The following DMXL1 variants were observed in gnomAD, a reference collection of about 807,000 sequenced individuals.
The protein encoded by DMXL1 is dmX-like protein 1.
DMXL1 carries 99 observed loss-of-function variants against 319.2 expected under a neutral mutation model. The observed-to-expected ratio is 0.31, with a 90% confidence interval of 0.26 to 0.37. The LOEUF is 0.37. Ranked by LOEUF, DMXL1 falls within the 10% of genes least tolerant of loss-of-function variation. The probability of loss-of-function intolerance (pLI) is 1.00; values close to 1 mark genes in which losing one functional copy is unlikely to be tolerated. For synonymous variants in DMXL1, 1,385 were observed against 1,235.2 expected, an observed-to-expected ratio of 1.12 and a Z score of -2.54; for missense variants, 3,745 against 3,595.6, an observed-to-expected ratio of 1.04 and a Z score of -1.06.
At chr5:119,243,439 A>G (rs541406666) in intron 42 of DMXL1, among the ~76,000 whole-genome samples, 11 of 152,168 alleles carry the variant, frequency 7.2e-5, no homozygotes, top group African/African-American at 2.7e-4. Context: ...ATTGAAACCC[A>G]GGCAATCTAA....
rs1212567297 is a variant in DMXL1, at chr5:119,134,080, C to T, written c.2156C>T (p.Ser719Phe). ...RVDPVGPLSF[S>F]GGVSELARIN... The stretch of plus-strand genomic sequence containing the variant: ...GACCCAGTTGGGCCATTGTCTTTTT[C>T]TGGAGGAGTTTCTGAGCTTGCCCGG... Residue 719 changes from serine (S) to phenylalanine (F), a missense_variant, in exon 12 of 44, where the codon TCT becomes TTT. Ser to Phe is a radical substitution (Grantham distance 155, BLOSUM62 -2). Around this residue, in one of 4 missense-constraint regions of DMXL1, gnomAD observed 2,096 missense variants for 1,985.4 expected, o/e 1.06. Coordinates refer to ENST00000539542, the MANE Select transcript of DMXL1 (RefSeq NM_001290321.3). 2.5e-6 allele frequency: 4 copies of T among 1,614,154 alleles called. No homozygotes were observed. The highest frequency in any genetic ancestry group is 3.4e-6 in the Non-Finnish European group (4 of 1,180,032).
intron 15 of DMXL1, 133 bp from the exon 16 acceptor site, chr5:119,146,704 C>T: frequency 2.8e-6 from 2 of 720,614 alleles, no homozygotes; most frequent in Non-Finnish European, 4.3e-6. Context: ...TTTATAATAC[C>T]ACTTGTGTTT....
chr5:119,118,072 T>C (rs531306172), intron 7 of DMXL1, among the ~76,000 whole-genome samples: 55 of 152,342 alleles, frequency 3.6e-4, no homozygotes, highest in African/African-American at 1.2e-3. Flanking sequence ...CTCTTGTTGC[T>C]TGTTGGACTT....
chr5:119,100,196 C>CGAGGCAGGTGGATCATGAGGTCAG (rs1756925879), intron 2 of DMXL1, among the ~76,000 whole-genome samples: 1 of 151,540 alleles, frequency 6.6e-6, no homozygotes, highest in African/African-American at 2.4e-5. Flanking sequence ...TTTGGGAAGC[C>CGAGGCAGGTGGATCATGAGGTCAG]GAGGCAGGTG....
rs184320670 is a variant in DMXL1 at position 119,159,093 on chromosome 5, A to G, written c.4703-5414A>G. Among the ~76,000 whole-genome samples, 14 of 151,828 alleles carry G rather than the reference A, an allele frequency of 9.2e-5. No individual in the cohort carries two copies. In the East Asian group the frequency reaches 2.7e-3, roughly 29 times the overall value. ...TTTAGTAGAATTCACCGGTGATGCG[A>G]TCAGATTCTAGGCTTTTGTTTTGAT... On this transcript the variant is annotated intron_variant, in intron 19 of 43. Coordinates refer to ENST00000539542, the MANE Select transcript of DMXL1 (RefSeq NM_001290321.3).
At chr5:119,200,524 T>C (rs1780503825) in intron 32 of DMXL1, among the ~76,000 whole-genome samples, 1 of 152,206 alleles carries the variant, frequency 6.6e-6, no homozygotes. Flanking sequence ...AGTTTTGTTC[T>C]TTTTGCTTAG....
intron 19 of DMXL1, among the ~76,000 whole-genome samples, chr5:119,160,780 C>T (rs76350295): frequency 0.018 from 2,808 of 152,120 alleles, 52 homozygotes; most frequent in South Asian, 0.038. Context: ...ACTTCTTTGT[C>T]TCCTTTCACA....
chr5:119,131,463 C>T (rs2150038326), intron 10 of DMXL1, among the ~76,000 whole-genome samples: 1 of 152,156 alleles, frequency 6.6e-6, no homozygotes, highest in Admixed American at 6.5e-5. Flanking sequence ...GTCCATACAC[C>T]TAGAGGATAA....
At position 119,071,187 on chromosome 5, in the gene DMXL1, A is replaced by G. The variant is rs548579542; in HGVS notation, c.-383A>G. ...AGTGCGAGCGCGTACTGCTTGCGCC[A>G]CTCGGGCTGGGTCAGGAGCGGCTGC... On this transcript the variant is annotated 5_prime_UTR_variant, in exon 1 of 44. Transcript: ENST00000539542. The G allele has an allele frequency of 8.1e-6, 2 of 246,196 alleles. No individual in the cohort carries two copies. Among genetic ancestry groups the G allele is most frequent in the Non-Finnish European group, 1.6e-5 (2 of 125,026 alleles). The allele number at this position is 246,196 out of a possible 1,614,324, so 15.3% of individuals were successfully genotyped here.
At chr5:119,230,565 A>AATTG (rs1351308722) in intron 38 of DMXL1, among the ~76,000 whole-genome samples, 1 of 152,206 alleles carries the variant, frequency 6.6e-6, no homozygotes, top group Non-Finnish European at 1.5e-5. Context: ...CCAGATACAA[A>AATTG]ATATCAAACT....
At chr5:119,211,291 G>A (rs1782765814) in intron 34 of DMXL1, among the ~76,000 whole-genome samples, 1 of 152,084 alleles carries the variant, frequency 6.6e-6, no homozygotes. Flanking sequence ...CGAAGGTTCT[G>A]TCCTCTTTAA....
chr5:119,131,026 A>G (rs1764757302), intron 10 of DMXL1, among the ~76,000 whole-genome samples: 1 of 149,264 alleles, frequency 6.7e-6, no homozygotes, highest in Non-Finnish European at 1.5e-5. Context: ...TTGCCAGTTG[A>G]TAACGGGACA....
intron 34 of DMXL1, among the ~76,000 whole-genome samples, chr5:119,213,706 T>TTA (rs1783191541): frequency 6.6e-6 from 1 of 152,210 alleles, no homozygotes; most frequent in South Asian, 2.1e-4. Flanking sequence ...ACTCCCCTTC[T>TTA]TATTCACCAG....
At chr5:119,180,289 T>C (rs750821676) in intron 28 of DMXL1, among the ~76,000 whole-genome samples, 43 of 152,184 alleles carry the variant, frequency 2.8e-4, no homozygotes, top group Non-Finnish European at 5.4e-4. Flanking sequence ...AGAGGGATAA[T>C]TTGTAATCTT....
At chr5:119,241,460 G>A (rs1025451329) in intron 42 of DMXL1, among the ~76,000 whole-genome samples, 11 of 151,450 alleles carry the variant, frequency 7.3e-5, no homozygotes, top group South Asian at 2.1e-4. Flanking sequence ...GTGTGAACCC[G>A]GGAGGCGGAG....
At chr5:119,159,848 T>A (rs986306501) in intron 19 of DMXL1, among the ~76,000 whole-genome samples, 2 of 152,234 alleles carry the variant, frequency 1.3e-5, no homozygotes, top group African/African-American at 4.8e-5. Flanking sequence ...GGTCTCGAAC[T>A]CCTGGTCTCA....
intron 32 of DMXL1, among the ~76,000 whole-genome samples, chr5:119,199,908 C>G (rs1443039118): frequency 6.6e-6 from 1 of 152,084 alleles, no homozygotes; most frequent in Non-Finnish European, 1.5e-5. Context: ...CCTTTGCCCA[C>G]TTTTTAATGG....
chr5:119,246,992 C>A lies in DMXL1; in HGVS notation c.8923-3C>A. The A allele has an allele frequency of 6.3e-7, 1 of 1,589,716 alleles. No individual in the cohort carries two copies. Among genetic ancestry groups the A allele is most frequent in the Non-Finnish European group, 8.6e-7 (1 of 1,166,054 alleles). ...TTTTCCGTTTGTTCTTAATATCTTT[C>A]AGATTTGGAGTCTCTCTACCTTTGG... On this transcript the variant is annotated splice_region_variant and splice_polypyrimidine_tract_variant and intron_variant, in intron 43 of 43. Transcript: ENST00000539542.
chr5:119,100,137 T>A (rs1279298100), intron 2 of DMXL1, among the ~76,000 whole-genome samples: 2 of 152,078 alleles, frequency 1.3e-5, no homozygotes, highest in African/African-American at 4.8e-5. Context: ...ATTGGCAGGT[T>A]CTGGTACCTG....
Sources: gnomAD v4.1 joint callset for allele counts (sites outside exome capture counted in the v4.1 genomes callset) on GRCh38, gnomAD v4.1.1 for gene constraint, gnomAD v4.1.1 regional missense constraint, MANE v1.5 for transcripts, NCBI Gene and HGNC (gene_info 2026-07-23, HGNC 2026-07-21) for gene names.